Variants in MDGA2 observed in about 807,000 individuals in gnomAD.
MDGA2 encodes the protein MAM domain-containing glycosylphosphatidylinositol anchor protein 2.
Under a neutral mutation model 117.8 loss-of-function variants are expected in MDGA2, and 40 were observed. The ratio of observed to expected loss-of-function variants is 0.34; its 90% CI spans 0.26 to 0.44. MDGA2 has a LOEUF of 0.44. Ranked by LOEUF, MDGA2 falls within the 20% of genes least tolerant of loss-of-function variation. The pLI, the probability that MDGA2 is intolerant of heterozygous loss-of-function variation, is 1.00. For synonymous variants in MDGA2, 452 were observed against 439.0 expected (o/e 1.03, Z -0.37); for missense variants, 1,123 against 1,250.6 (o/e 0.90, Z 1.54).
intron 1 of MDGA2, among the ~76,000 whole-genome samples, chr14:47,449,894 A>T (rs981342571): frequency 1.3e-5 from 2 of 152,144 alleles, no homozygotes; most frequent in Non-Finnish European, 2.9e-5. Context: ...AATTTTACAT[A>T]GCCTAAACAG....
intron 1 of MDGA2, among the ~76,000 whole-genome samples, chr14:47,406,643 C>A (rs1892267315): frequency 6.6e-6 from 1 of 151,960 alleles, no homozygotes; most frequent in African/African-American, 2.4e-5. Flanking sequence ...CTTATTTCCT[C>A]TTCATTTCTC....
At chr14:47,590,160 C>T (rs1203308883) in intron 1 of MDGA2, among the ~76,000 whole-genome samples, 1 of 151,814 alleles carries the variant, frequency 6.6e-6, no homozygotes, top group Non-Finnish European at 1.5e-5. Context: ...TTCTTCCTTT[C>T]CAATCTAGAT....
At chr14:47,552,763 T>C (rs1211639255) in intron 1 of MDGA2, among the ~76,000 whole-genome samples, 3 of 152,060 alleles carry the variant, frequency 2.0e-5, no homozygotes, top group Non-Finnish European at 4.4e-5. Context: ...AGTCAAATTT[T>C]TTCTTTCTTA....
chr14:47,014,847 C>T (rs1888024337), intron 8 of MDGA2, among the ~76,000 whole-genome samples: 1 of 152,090 alleles, frequency 6.6e-6, no homozygotes, highest in African/African-American at 2.4e-5. Context: ...TTTTAGTTTC[C>T]TTCAAGAATT....
intron 3 of MDGA2, among the ~76,000 whole-genome samples, chr14:47,190,562 C>T (rs544100858): frequency 6.6e-5 from 10 of 152,196 alleles, no homozygotes; most frequent in African/African-American, 1.7e-4. Flanking sequence ...TCTTTGGCTA[C>T]GTAAAAATAA....
At chr14:47,154,581 C>G (rs890173137) in intron 3 of MDGA2, among the ~76,000 whole-genome samples, 12 of 152,216 alleles carry the variant, frequency 7.9e-5, no homozygotes, top group Non-Finnish European at 1.2e-4. Context: ...CCAGCACTGG[C>G]TCCAATTTTG....
At chr14:47,565,816 G>C (rs1034511372) in intron 1 of MDGA2, among the ~76,000 whole-genome samples, 2 of 152,192 alleles carry the variant, frequency 1.3e-5, no homozygotes, top group African/African-American at 4.8e-5. Context: ...GCACTGGCAG[G>C]TGTAGGGCTG....
At position 46,846,574 on chromosome 14, in the gene MDGA2, G is replaced by A. The variant is rs956448055; in HGVS notation, c.2884-703C>T. Among the ~76,000 whole-genome samples, 3 of 152,136 alleles carry A rather than the reference G, an allele frequency of 2.0e-5. No homozygotes were observed. The South Asian group carries it at 6.2e-4, about 32-fold the overall frequency. The stretch of plus-strand genomic sequence containing the variant: ...GCATGAATATTGAAAGAATAAATGA[G>A]TACAATCAGAATCCTTTATTATTAA... On this transcript the variant is annotated intron_variant, in intron 15 of 16. Coordinates refer to ENST00000399232, the MANE Select transcript of MDGA2 (RefSeq NM_001113498.3).
chr14:46,857,870 G>T (rs1434134302), intron 14 of MDGA2, among the ~76,000 whole-genome samples: 1 of 151,950 alleles, frequency 6.6e-6, no homozygotes. Flanking sequence ...TACTCAGGTA[G>T]ATCTCCAACT....
At chr14:46,898,307 A>G (rs1454220786) in intron 10 of MDGA2, among the ~76,000 whole-genome samples, 2 of 152,096 alleles carry the variant, frequency 1.3e-5, no homozygotes, top group Non-Finnish European at 2.9e-5. Context: ...AGATATGAAT[A>G]AGGGTTGAAT....
intron 5 of MDGA2, among the ~76,000 whole-genome samples, chr14:47,128,138 A>T (rs1211514065): frequency 6.6e-6 from 1 of 152,156 alleles, no homozygotes; most frequent in Admixed American, 6.5e-5. Flanking sequence ...TTGTCTTTAA[A>T]GAATTTTTGC....
intron 1 of MDGA2, among the ~76,000 whole-genome samples, chr14:47,301,801 A>T (rs1457036462): frequency 6.6e-6 from 1 of 152,200 alleles, no homozygotes; most frequent in South Asian, 2.1e-4. Flanking sequence ...ATCACCATCA[A>T]TACAAGACCA....
chr14:47,535,603 T>C (rs1305883595), intron 1 of MDGA2, among the ~76,000 whole-genome samples: 2 of 152,126 alleles, frequency 1.3e-5, no homozygotes, highest in Non-Finnish European at 2.9e-5. Context: ...ATTTCAATAA[T>C]AAAGTGACAG....
intron 2 of MDGA2, among the ~76,000 whole-genome samples, chr14:47,295,677 G>A (rs1392280443): frequency 6.6e-6 from 1 of 152,122 alleles, no homozygotes; most frequent in Non-Finnish European, 1.5e-5. Context: ...GCTGAGGTGG[G>A]CGAATCACCC....
intron 1 of MDGA2, among the ~76,000 whole-genome samples, chr14:47,540,499 TG>T (rs1457409097): frequency 7.0e-6 from 1 of 142,644 alleles, no homozygotes; most frequent in African/African-American, 2.6e-5. Flanking sequence ...TACGTGTGTG[TG>T]TTTGTATATG....
At chr14:46,878,997 GT>G (rs536084480) in intron 11 of MDGA2, among the ~76,000 whole-genome samples, 1 of 151,996 alleles carries the variant, frequency 6.6e-6, no homozygotes, top group African/African-American at 2.4e-5. Context: ...AGCGAGTCCA[GT>G]TTTTTCTTCT....
Position 47,135,925 on chromosome 14 carries a change from A to G in MDGA2, c.793-4079T>C, listed in dbSNP as rs369645219. Among the ~76,000 whole-genome samples the G allele has an allele frequency of 2.6e-5, 4 of 152,122 alleles. No individual in the cohort carries two copies. The East Asian group carries it at 5.8e-4, about 22-fold the overall frequency. The stretch of plus-strand genomic sequence containing the variant: ...ACTGGAGTGCAGCGCAACAAAGAGC[A>G]TAAAATGAGATAAGATTTCAAAGCT... On this transcript the variant is annotated intron_variant, in intron 4 of 16. Coordinates refer to ENST00000399232, the MANE Select transcript of MDGA2 (RefSeq NM_001113498.3).
chr14:47,470,777 T>C (rs1254325543), intron 1 of MDGA2, among the ~76,000 whole-genome samples: 3 of 152,146 alleles, frequency 2.0e-5, no homozygotes, highest in Non-Finnish European at 4.4e-5. Flanking sequence ...CCACCATTTC[T>C]GTCAAAATTA....
rs184130471 is a variant in MDGA2, at chr14:47,530,243, C to T, written c.280+144274G>A. 2.8e-4 allele frequency among the ~76,000 whole-genome samples: 43 copies of T among 152,080 alleles called. 1 individual carries two copies. In the East Asian group the frequency reaches 7.2e-3, roughly 25 times the overall value. On this transcript the variant is annotated intron_variant, in intron 1 of 16. Transcript: ENST00000399232. The stretch of plus-strand genomic sequence containing the variant: ...GGCTATAAATGCCCTCATCTTGCCA[C>T]GGCTCTTCTAGGCCTCTTTAGGGTT...
Sources: allele counts gnomAD v4.1 joint callset (sites outside exome capture counted in the v4.1 genomes callset), GRCh38; gene constraint gnomAD v4.1.1; transcripts MANE v1.5; gene names NCBI Gene and HGNC (gene_info 2026-07-23, HGNC 2026-07-21).